The following EI24 variants were observed in gnomAD, a reference collection of about 807,000 sequenced individuals.
The protein encoded by EI24 is EI24 autophagy associated transmembrane protein, also known as etoposide-induced protein 2.4 homolog.
A neutral mutation model predicts 48.6 loss-of-function variants in EI24; 21 were observed. That is an observed-to-expected ratio of 0.43 (90% confidence interval 0.31 to 0.62). The LOEUF (loss-of-function observed/expected upper bound fraction) is 0.62, where lower values mean the gene tolerates loss of function less well. EI24 is among the 20% of genes least tolerant of loss of function. The probability of loss-of-function intolerance (pLI) is 0.10; values close to 1 mark genes in which losing one functional copy is unlikely to be tolerated. For missense variants in EI24, 280 were observed against 410.5 expected, an observed-to-expected ratio of 0.68 and a Z score of 2.75; for synonymous variants, 114 against 145.5, an observed-to-expected ratio of 0.78 and a Z score of 1.56.
At chr11:125,569,736 A>G (rs1938460010) in intron 1 of EI24, 163 bp downstream of exon 1, 1 of 313,088 alleles carries the variant, frequency 3.2e-6, no homozygotes, top group Non-Finnish European at 5.8e-6. Context: ...GGCCGGGCAC[A>G]TCCCCGGGCG....
chr11:125,573,750 C>T (rs1003900953), intron 2 of EI24, among the ~76,000 whole-genome samples: 10 of 136,690 alleles, frequency 7.3e-5, no homozygotes, highest in Non-Finnish European at 1.1e-4. Flanking sequence ...GGTGCAATCT[C>T]GGCTCACTGC....
intron 4 of EI24, 77 bp downstream of exon 4, chr11:125,576,392 T>A: frequency 7.7e-7 from 1 of 1,298,544 alleles, no homozygotes; most frequent in Non-Finnish European, 1.1e-6. Flanking sequence ...ACTGTTTTCT[T>A]GAAACACTGA....
At chr11:125,571,669 G>T (rs761636953) in intron 1 of EI24, among the ~76,000 whole-genome samples, 36 of 152,164 alleles carry the variant, frequency 2.4e-4, no homozygotes, top group Non-Finnish European at 4.1e-4. Flanking sequence ...CTGAGATCAG[G>T]AGTTTGAGAT....
At chr11:125,582,740 CTAAAAGTTTTAT>C (rs1264942427) in intron 10 of EI24, among the ~76,000 whole-genome samples, 1 of 152,096 alleles carries the variant, frequency 6.6e-6, no homozygotes, top group East Asian at 1.9e-4. Context: ...TAATAGCATT[CTAAAAGTTTTAT>C]TACTTCAAAG....
chr11:125,580,484 TAGAG>T (rs1038064671), intron 8 of EI24, among the ~76,000 whole-genome samples: 4 of 152,166 alleles, frequency 2.6e-5, no homozygotes, highest in Non-Finnish European at 5.9e-5. Context: ...TGCTCTAAAT[TAGAG>T]AAGTCAAATT....
At chr11:125,575,788 T>TTC (rs1264311478) in intron 3 of EI24, 1 of 281,184 alleles carries the variant, frequency 3.6e-6, no homozygotes, top group Non-Finnish European at 7.3e-6. Context: ...ATACACATTT[T>TTC]TTTTTTTTTT....
At chr11:125,576,971 C>T (rs563741451) in intron 4 of EI24, among the ~76,000 whole-genome samples, 1 of 152,172 alleles carries the variant, frequency 6.6e-6, no homozygotes, top group Admixed American at 6.5e-5. Context: ...TCCTGTATGC[C>T]CCCAAAAGTT....
At chr11:125,576,813 C>T (rs1938768410) in intron 4 of EI24, among the ~76,000 whole-genome samples, 1 of 152,134 alleles carries the variant, frequency 6.6e-6, no homozygotes, top group Admixed American at 6.5e-5. Flanking sequence ...ATAAATATTT[C>T]CTTTGACTTA....
intron 10 of EI24, among the ~76,000 whole-genome samples, chr11:125,583,090 G>A (rs1359224723): frequency 1.3e-5 from 2 of 152,140 alleles, no homozygotes; most frequent in Admixed American, 1.3e-4. Flanking sequence ...CATGGCAGCA[G>A]CAGGGCCCAA....
chr11:125,582,539 G>A, intron 10 of EI24, 119 bp downstream of exon 10: 1 of 745,472 alleles, frequency 1.3e-6, no homozygotes, highest in East Asian at 2.9e-5. Context: ...CTTAATATAA[G>A]GTTTAATGAG....
At position 125,583,717 on chromosome 11, in the gene EI24, G is replaced by A. The variant is rs1247160990; in HGVS notation, c.*34G>A. 6.3e-7 allele frequency: 1 copy of A among 1,597,692 alleles called. No homozygotes were observed. Among genetic ancestry groups the A allele is most frequent in the Non-Finnish European group, 8.5e-7 (1 of 1,171,928 alleles). On this transcript the variant is annotated 3_prime_UTR_variant, in exon 11 of 11. Coordinates refer to ENST00000278903, the MANE Select transcript of EI24 (RefSeq NM_004879.5). The stretch of plus-strand genomic sequence containing the variant: ...CCATCCAAAGGGGATGGGCGGGATT[G>A]GAAGAAGCTGTGGCAGCTCTTTTCC...
chr11:125,580,327 C>T (rs1938940397), intron 8 of EI24, 123 bp downstream of exon 8: 1 of 739,664 alleles, frequency 1.4e-6, no homozygotes, highest in African/African-American at 1.7e-5. Flanking sequence ...GAAGCAGCCT[C>T]ATTGGCAAGA....
intron 2 of EI24, chr11:125,573,549 T>A: frequency 2.8e-6 from 1 of 362,260 alleles, no homozygotes. Context: ...TATGAAGCAG[T>A]AGTGAACTAT....
intron 4 of EI24, among the ~76,000 whole-genome samples, chr11:125,577,258 ATTG>A (rs1374249499): frequency 1.3e-4 from 20 of 152,076 alleles, no homozygotes; most frequent in African/African-American, 4.1e-4. Context: ...CACCCGACCA[ATTG>A]TTGTATTTTT....
intron 7 of EI24, among the ~76,000 whole-genome samples, chr11:125,579,644 G>A (rs1178353226): frequency 6.6e-6 from 1 of 152,146 alleles, no homozygotes; most frequent in Non-Finnish European, 1.5e-5. Flanking sequence ...TCCAGCCTGG[G>A]CGACAAGAGC....
Position 125,584,551 on chromosome 11 carries a change from G to A in EI24, c.*868G>A, listed in dbSNP as rs1405967189. ...ATATTGGGTGCTGCATATAGGAACT[G>A]AAGGGGTCAATGTATTAAACCTGTG... On this transcript the variant is annotated 3_prime_UTR_variant, in exon 11 of 11. Coordinates refer to ENST00000278903, the MANE Select transcript of EI24 (RefSeq NM_004879.5). The A allele has an allele frequency of 1.3e-5, 2 of 152,630 alleles. No homozygotes were observed. Among genetic ancestry groups the A allele is most frequent in the Non-Finnish European group, 2.9e-5 (2 of 68,044 alleles). The allele number at this position is 152,630 out of a possible 1,614,324, so 9.5% of individuals were successfully genotyped here. A position where few individuals can be genotyped will look rare whatever the true frequency, so the allele number is the denominator to read the frequency against.
At chr11:125,579,988 A>G in intron 7 of EI24, 105 bp from the exon 8 acceptor site, 1 of 912,994 alleles carries the variant, frequency 1.1e-6, no homozygotes, top group Non-Finnish European at 1.8e-6. Flanking sequence ...TAGAAACTTG[A>G]GAAGCAGCTA....
chr11:125,583,691 G>A lies in EI24; in HGVS notation c.*8G>A. The stretch of plus-strand genomic sequence containing the variant: ...GCTACTGCAGGTCACTGAGTTGCCT[G>A]CCATCCAAAGGGGATGGGCGGGATT... On this transcript the variant is annotated 3_prime_UTR_variant, in exon 11 of 11. Coordinates refer to ENST00000278903, the MANE Select transcript of EI24 (RefSeq NM_004879.5). 2 of 1,610,400 alleles carry A rather than the reference G, an allele frequency of 1.2e-6. No individual in the cohort carries two copies. Among genetic ancestry groups the A allele is most frequent in the South Asian group, 1.1e-5 (1 of 90,318 alleles).
intron 1 of EI24, among the ~76,000 whole-genome samples, chr11:125,572,220 G>A (rs1371571200): frequency 6.6e-6 from 1 of 152,030 alleles, no homozygotes. Context: ...AAATGAGAGG[G>A]TGTAAAATGT....
Sources: allele counts gnomAD v4.1 joint callset (sites outside exome capture counted in the v4.1 genomes callset), GRCh38; gene constraint gnomAD v4.1.1; transcripts MANE v1.5; gene names NCBI Gene and HGNC (gene_info 2026-07-23, HGNC 2026-07-21).